Variants in EFCAB3 observed in about 807,000 individuals in gnomAD.
EFCAB3 encodes EF-hand calcium binding domain 3.
Under a neutral mutation model 42.2 loss-of-function variants are expected in EFCAB3, and 36 were observed. That is an observed-to-expected ratio of 0.85 (90% CI 0.65 to 1.13). The LOEUF is 1.13. EFCAB3 is among the 50% of genes most tolerant of loss of function. EFCAB3 has a pLI of 0.00. For missense variants in EFCAB3, 418 were observed against 505.1 expected, an observed-to-expected ratio of 0.83 and a Z score of 1.65; for synonymous variants, 170 against 172.8, an observed-to-expected ratio of 0.98 and a Z score of 0.13.
chr17:62,406,567 A>G lies in EFCAB3; in HGVS notation c.576A>G (p.Pro192=). 1 of 1,614,130 alleles carries G rather than the reference A, an allele frequency of 6.2e-7. No homozygotes were observed. Among genetic ancestry groups the G allele is most frequent in the South Asian group, 1.1e-5 (1 of 91,088 alleles). ...GCTATGGAAAAAGGACACTTAAGCC[A>G]GACATATGCACACCTCCAAGCTCAA... ...TMGYGKRTLK[P]DICTPPSSSM... The change falls in exon 7 of 10, where the codon CCA becomes CCG. Residue 192 remains proline (P), a synonymous_variant. Coordinates refer to ENST00000305286, the MANE Select transcript of EFCAB3 (RefSeq NM_173503.4).
chr17:62,397,457 A>C (rs1284914710), intron 6 of EFCAB3: 1 of 545,740 alleles, frequency 1.8e-6, no homozygotes, highest in Admixed American at 2.1e-5. Flanking sequence ...ACGAGACCAG[A>C]AGTGGCATGA....
At chr17:62,381,344 C>G (rs1164848935) in intron 1 of EFCAB3, among the ~76,000 whole-genome samples, 1 of 152,044 alleles carries the variant, frequency 6.6e-6, no homozygotes, top group East Asian at 1.9e-4. Context: ...TTTTTTATGG[C>G]TGCATAGTAT....
chr17:62,370,866 T>A (rs2070109773), intron 1 of EFCAB3, among the ~76,000 whole-genome samples: 1 of 151,460 alleles, frequency 6.6e-6, no homozygotes, highest in African/African-American at 2.4e-5. Context: ...GGCAAGAGGA[T>A]CTCTTGAGGC....
chr17:62,407,569 G>A (rs2070459129), intron 8 of EFCAB3, among the ~76,000 whole-genome samples: 1 of 152,120 alleles, frequency 6.6e-6, no homozygotes, highest in African/African-American at 2.4e-5. Context: ...ACCATGAGAT[G>A]AGAAGACCAG....
intron 2 of EFCAB3, among the ~76,000 whole-genome samples, chr17:62,375,534 C>T (rs1294729538): frequency 6.6e-6 from 1 of 152,202 alleles, no homozygotes; most frequent in Non-Finnish European, 1.5e-5. Context: ...CTCACAAAAG[C>T]TTAGTTTTTG....
chr17:62,415,909 C>T (rs1023898522), intron 9 of EFCAB3, 94 bp from the exon 10 acceptor site: 4 of 1,094,004 alleles, frequency 3.7e-6, no homozygotes, highest in Non-Finnish European at 5.3e-6. Context: ...TTCGAGTAGC[C>T]CAGGGACATA....
At chr17:62,389,855 C>A (rs949692445) in intron 3 of EFCAB3, among the ~76,000 whole-genome samples, 1 of 151,986 alleles carries the variant, frequency 6.6e-6, no homozygotes. Context: ...GGTGCCATCT[C>A]GGCTCACTGC....
At chr17:62,370,244 A>G in exon 1 of EFCAB3, 1 of 1,544,234 alleles carries the variant, frequency 6.5e-7, no homozygotes, top group Non-Finnish European at 8.8e-7. Context: ...TCCAGAACTT[A>G]GACAATTTCT....
At chr17:62,385,623 G>T (rs1320823533) in intron 2 of EFCAB3, among the ~76,000 whole-genome samples, 1 of 151,612 alleles carries the variant, frequency 6.6e-6, no homozygotes, top group African/African-American at 2.4e-5. Flanking sequence ...TTGAAAATGA[G>T]TTGAATCTAA....
At chr17:62,386,933 C>T (rs1439295691) in intron 2 of EFCAB3, among the ~76,000 whole-genome samples, 3 of 151,948 alleles carry the variant, frequency 2.0e-5, no homozygotes, top group Non-Finnish European at 4.4e-5. Context: ...GGACTACAGG[C>T]CTGTGCCACC....
chr17:62,388,916 C>T (rs987236307), intron 3 of EFCAB3, among the ~76,000 whole-genome samples: 4 of 152,074 alleles, frequency 2.6e-5, no homozygotes, highest in African/African-American at 9.7e-5. Flanking sequence ...TACTTTGGTA[C>T]TCATTTTAAG....
In EFCAB3 at chr17:62,407,126, A is replaced by G. The variant is rs1269001548; in HGVS notation, c.781A>G (p.Met261Val). Reference sequence around the variant, plus strand: ...GGTGATGGGAAAGCCATTCAAAGACATGCAGAAATTAGAGATGCTAAGAAT... The same window carrying G: ...GGTGATGGGAAAGCCATTCAAAGACGTGCAGAAATTAGAGATGCTAAGAAT... Reference protein sequence around the residue: ...GVVMGKPFKDMQKLEMLRIKE... With the variant: ...GVVMGKPFKDVQKLEMLRIKE... The change falls in exon 8 of 10, where the codon ATG becomes GTG. Residue 261 changes from methionine (M) to valine (V), a missense_variant. By Grantham distance (21) the Met-to-Val change is conservative. Coordinates refer to ENST00000305286, the MANE Select transcript of EFCAB3 (RefSeq NM_173503.4). The G allele has an allele frequency of 1.2e-6, 2 of 1,613,404 alleles. No individual in the cohort carries two copies. The highest frequency in any genetic ancestry group is 1.7e-6 in the Non-Finnish European group (2 of 1,179,736).
intron 6 of EFCAB3, among the ~76,000 whole-genome samples, chr17:62,395,419 C>T (rs1261866937): frequency 1.3e-5 from 2 of 152,138 alleles, no homozygotes; most frequent in Non-Finnish European, 2.9e-5. Flanking sequence ...ACCTAAGGGC[C>T]CCACTGAGGA....
intron 6 of EFCAB3, among the ~76,000 whole-genome samples, chr17:62,397,212 G>A: frequency 6.6e-6 from 1 of 152,190 alleles, no homozygotes; most frequent in South Asian, 2.1e-4. Context: ...TCTTGCTAGT[G>A]CCTGATACCT....
chr17:62,402,569 T>A (rs1364347710), intron 6 of EFCAB3, among the ~76,000 whole-genome samples: 1 of 152,224 alleles, frequency 6.6e-6, no homozygotes, highest in Non-Finnish European at 1.5e-5. Context: ...TGTCTTTGGT[T>A]CTGTTTATAT....
At chr17:62,382,204 T>C (rs568807735) in intron 1 of EFCAB3, among the ~76,000 whole-genome samples, 2 of 152,362 alleles carry the variant, frequency 1.3e-5, no homozygotes, top group East Asian at 3.9e-4. Flanking sequence ...TTATTCTTTG[T>C]CAATTATGAC....
chr17:62,403,678 C>G (rs2070423485), intron 6 of EFCAB3, among the ~76,000 whole-genome samples: 2 of 152,184 alleles, frequency 1.3e-5, no homozygotes, highest in African/African-American at 4.8e-5. Context: ...GCTCTCTTAT[C>G]TCCCAGGCTA....
At chr17:62,373,840 A>C (rs1314937394) in exon 2 of EFCAB3, 20 of 1,513,096 alleles carry the variant, frequency 1.3e-5, no homozygotes, top group Non-Finnish European at 1.8e-5. Context: ...TGTTAATTCA[A>C]TAATGGAGGG....
At chr17:62,388,552 G>A (rs959086924) in intron 3 of EFCAB3, among the ~76,000 whole-genome samples, 1 of 152,198 alleles carries the variant, frequency 6.6e-6, no homozygotes, top group Non-Finnish European at 1.5e-5. Context: ...ACTAAATTTA[G>A]AACCAATTTA....
Sources: gnomAD v4.1 joint callset for allele counts (sites outside exome capture counted in the v4.1 genomes callset) on GRCh38, gnomAD v4.1.1 for gene constraint, MANE v1.5 for transcripts, NCBI Gene and HGNC (gene_info 2026-07-23, HGNC 2026-07-21) for gene names.